Variants in RGS7 observed in about 807,000 individuals in gnomAD.
RGS7 encodes regulator of G protein signaling 7, also known as regulator of G-protein signaling 7.
RGS7 carries 27 observed loss-of-function variants against 81.1 expected under a neutral mutation model. That is an observed-to-expected ratio of 0.33 (90% confidence interval 0.25 to 0.46). RGS7 has a LOEUF of 0.46. Ranked by LOEUF, RGS7 falls within the 20% of genes least tolerant of loss-of-function variation. RGS7 has a pLI of 1.00. For synonymous variants in RGS7, 208 were observed against 207.7 expected (o/e 1.00, Z -0.01); for missense variants, 396 against 607.4 (o/e 0.65, Z 3.66).
In RGS7 at chr1:241,317,951, T is replaced by C. The variant is rs1417595069; in HGVS notation, c.78+37748A>G. Reference sequence around the variant, plus strand: ...AGATTTCCTTTCAAGGCCTTGGCTTTTCCACATAAACAATATCCTGTCTTG... The same window carrying C: ...AGATTTCCTTTCAAGGCCTTGGCTTCTCCACATAAACAATATCCTGTCTTG... On this transcript the variant is annotated intron_variant, in intron 2 of 18. Coordinates refer to ENST00000440928, the MANE Select transcript of RGS7 (RefSeq NM_001364886.1). 2.0e-5 allele frequency among the ~76,000 whole-genome samples: 3 copies of C among 152,172 alleles called. No homozygotes were observed. In the East Asian group the frequency reaches 5.8e-4, roughly 29 times the overall value.
intron 2 of RGS7, among the ~76,000 whole-genome samples, chr1:241,346,495 T>A (rs10737861): frequency 8.5e-5 from 13 of 152,186 alleles, no homozygotes; most frequent in African/African-American, 2.2e-4. Context: ...GAGTAGGGAC[T>A]TTGGACCAGG....
At chr1:241,045,020 C>G (rs1006668862) in intron 3 of RGS7, among the ~76,000 whole-genome samples, 1 of 152,174 alleles carries the variant, frequency 6.6e-6, no homozygotes, top group Non-Finnish European at 1.5e-5. Context: ...TTCTAAAGAG[C>G]TTTTAATTTC....
At chr1:240,849,358 C>A (rs1659672361) in intron 9 of RGS7, among the ~76,000 whole-genome samples, 1 of 152,156 alleles carries the variant, frequency 6.6e-6, no homozygotes, top group East Asian at 1.9e-4. Context: ...TCCTGAGCTG[C>A]AATTCAGAAC....
chr1:241,060,731 T>G (rs1356630977), intron 3 of RGS7, among the ~76,000 whole-genome samples: 2 of 152,212 alleles, frequency 1.3e-5, no homozygotes, highest in African/African-American at 4.8e-5. Context: ...GTATGATGCA[T>G]CTTGGCCCAG....
chr1:240,852,040 C>A (rs1448288094), intron 9 of RGS7, among the ~76,000 whole-genome samples: 1 of 152,132 alleles, frequency 6.6e-6, no homozygotes, highest in African/African-American at 2.4e-5. Flanking sequence ...AGGATGTATT[C>A]CAATTTTCAA....
chr1:241,130,093 C>T (rs2066967491), intron 2 of RGS7, among the ~76,000 whole-genome samples: 1 of 152,144 alleles, frequency 6.6e-6, no homozygotes, highest in African/African-American at 2.4e-5. Context: ...CAAGTGCATC[C>T]TTCAGATTGC....
chr1:241,242,846 G>A (rs2076330436), intron 2 of RGS7, among the ~76,000 whole-genome samples: 1 of 151,940 alleles, frequency 6.6e-6, no homozygotes, highest in South Asian at 2.1e-4. Flanking sequence ...TTTTCTTCCT[G>A]ATTTTTGGAG....
chr1:240,820,540 A>G (rs1691583643), intron 10 of RGS7, among the ~76,000 whole-genome samples: 1 of 151,798 alleles, frequency 6.6e-6, no homozygotes, highest in Non-Finnish European at 1.5e-5. Context: ...GAAATCCTCA[A>G]CCCCTAATGT....
chr1:240,776,687 G>A (rs1314869761), intron 18 of RGS7, among the ~76,000 whole-genome samples: 3 of 152,118 alleles, frequency 2.0e-5, no homozygotes. Flanking sequence ...TAGAGGATAC[G>A]ATTTAATTAA....
At chr1:240,865,729 T>C (rs1193084768) in intron 9 of RGS7, among the ~76,000 whole-genome samples, 1 of 152,228 alleles carries the variant, frequency 6.6e-6, no homozygotes, top group East Asian at 1.9e-4. Flanking sequence ...TGTAAAAGTG[T>C]AGACATTCTT....
chr1:240,946,123 A>ACC (rs1678564890), intron 4 of RGS7, among the ~76,000 whole-genome samples: 1 of 152,204 alleles, frequency 6.6e-6, no homozygotes, highest in African/African-American at 2.4e-5. Flanking sequence ...CACAATTAAA[A>ACC]TTATAACTAC....
At position 241,073,494 on chromosome 1, in the gene RGS7, T is replaced by C. The variant is rs539824190; in HGVS notation, c.175+25172A>G. Among the ~76,000 whole-genome samples, 3 of 152,318 alleles carry C rather than the reference T, an allele frequency of 2.0e-5. No individual in the cohort carries two copies. In the South Asian group the frequency reaches 6.2e-4, roughly 32 times the overall value. On this transcript the variant is annotated intron_variant, in intron 3 of 18. Coordinates refer to ENST00000440928, the MANE Select transcript of RGS7 (RefSeq NM_001364886.1). ...CTACAAAGTTAGATAAACTAGCTTG[T>C]TCAGCAAACATTTTCAGAGTATAGT... is the stretch of plus-strand genomic sequence containing the variant.
At chr1:241,251,190 T>C (rs1369905147) in intron 2 of RGS7, among the ~76,000 whole-genome samples, 4 of 152,254 alleles carry the variant, frequency 2.6e-5, no homozygotes, top group Non-Finnish European at 4.4e-5. Flanking sequence ...GTGGCATAGA[T>C]ACAAATTAAC....
At chr1:240,866,192 C>T (rs965103903) in intron 9 of RGS7, among the ~76,000 whole-genome samples, 2 of 152,196 alleles carry the variant, frequency 1.3e-5, no homozygotes, top group Non-Finnish European at 2.9e-5. Context: ...CTCATGACAA[C>T]CCGAAGCTCT....
At chr1:241,045,977 G>T (rs969564543) in intron 3 of RGS7, among the ~76,000 whole-genome samples, 2 of 151,784 alleles carry the variant, frequency 1.3e-5, no homozygotes, top group Admixed American at 6.6e-5. Context: ...GTGTGCCCTG[G>T]TCTATGGAAA....
chr1:240,927,647 G>A (rs983441908), intron 6 of RGS7, among the ~76,000 whole-genome samples: 6 of 152,182 alleles, frequency 3.9e-5, no homozygotes, highest in Non-Finnish European at 5.9e-5. Flanking sequence ...TGCAGGTACA[G>A]ACACGTATGG....
intron 9 of RGS7, among the ~76,000 whole-genome samples, chr1:240,863,102 G>A (rs1291793241): frequency 6.6e-5 from 10 of 152,260 alleles, no homozygotes; most frequent in East Asian, 3.9e-4. Flanking sequence ...TTATAGGCAT[G>A]CACCATCATA....
chr1:241,174,028 CCAGT>C (rs1302794569), intron 2 of RGS7, among the ~76,000 whole-genome samples: 2 of 152,122 alleles, frequency 1.3e-5, no homozygotes, highest in Non-Finnish European at 2.9e-5. Flanking sequence ...CAGAGTTTGA[CCAGT>C]CAAAGATGCA....
chr1:241,176,005 G>C (rs2103282351), intron 2 of RGS7, among the ~76,000 whole-genome samples: 1 of 152,274 alleles, frequency 6.6e-6, no homozygotes. Context: ...TATAAGGCAA[G>C]AACTATCACT....
Sources: allele counts gnomAD v4.1 joint callset (sites outside exome capture counted in the v4.1 genomes callset), GRCh38; gene constraint gnomAD v4.1.1; transcripts MANE v1.5; gene names NCBI Gene and HGNC (gene_info 2026-07-23, HGNC 2026-07-21).